Variants in SEMA3F observed in about 807,000 individuals in gnomAD.
The protein encoded by SEMA3F is semaphorin-3F.
In SEMA3F, 30 loss-of-function variants were observed where a neutral mutation model predicts 98.5. That is an observed-to-expected ratio of 0.30 (90% confidence interval 0.23 to 0.41). SEMA3F has a LOEUF of 0.41. Among genes scored for constraint, SEMA3F ranks in the 10% least tolerant of loss-of-function variants. The pLI, the probability that SEMA3F is intolerant of heterozygous loss-of-function variation, is 1.00. For missense variants in SEMA3F, 866 were observed against 1,119.3 expected (o/e 0.77, Z 3.23); for synonymous variants, 380 against 444.8 (o/e 0.85, Z 1.83).
rs766789476 is a variant in SEMA3F at position 50,185,534 on chromosome 3, G to C, written c.1545+3G>C. 2.5e-6 allele frequency: 4 copies of C among 1,613,790 alleles called. No homozygotes were observed. The highest frequency in any genetic ancestry group is 2.2e-5 in the East Asian group (1 of 44,870). ...TGGAGGAGGTGGAGGTCTTCAAGGT[G>C]GGTGTGACACCACCCAGTCCTGACC... On this transcript the variant is annotated splice_donor_region_variant and intron_variant, in intron 14 of 18. Transcript: ENST00000002829.
chr3:50,157,388 C>T (rs904495030), intron 1 of SEMA3F, among the ~76,000 whole-genome samples: 1 of 152,148 alleles, frequency 6.6e-6, no homozygotes, highest in African/African-American at 2.4e-5. Context: ...CCCTTGCTCC[C>T]TCCCACCAGC....
rs953792416 is a variant in SEMA3F, at chr3:50,171,828, C to G, written c.113-1965C>G. On this transcript the variant is annotated intron_variant, in intron 2 of 18. Transcript: ENST00000002829. ...GGCGCCGCTGGACAGGCGGGTGAGGCCATCGCCAGGCAGGATCGGCCCTTT... is the reference window on the plus strand; with the variant it reads ...GGCGCCGCTGGACAGGCGGGTGAGGGCATCGCCAGGCAGGATCGGCCCTTT... Among the ~76,000 whole-genome samples, 6 of 152,260 alleles carry G rather than the reference C, an allele frequency of 3.9e-5. No homozygotes were observed. In the East Asian group the frequency reaches 1.2e-3, roughly 29 times the overall value.
At chr3:50,185,605 C>T in intron 14 of SEMA3F, 61 bp from the exon 15 acceptor site, 1 of 1,610,778 alleles carries the variant, frequency 6.2e-7, no homozygotes, top group South Asian at 1.1e-5. Flanking sequence ...GACCTGAGAC[C>T]TCTAGGTCAG....
At chr3:50,159,794 C>A (rs1455229083) in intron 2 of SEMA3F, 60 bp downstream of exon 2, 1 of 1,118,244 alleles carries the variant, frequency 8.9e-7, no homozygotes, top group Non-Finnish European at 1.4e-6. Context: ...GCGCTCGGCT[C>A]CTCTGCACAC....
intron 2 of SEMA3F, among the ~76,000 whole-genome samples, chr3:50,167,029 C>T (rs1471558552): frequency 1.3e-5 from 2 of 152,166 alleles, no homozygotes; most frequent in African/African-American, 4.8e-5. Flanking sequence ...CTTTCCATCC[C>T]CTTCATACTT....
At position 50,155,527 on chromosome 3, in the gene SEMA3F, C is replaced by T. The variant is rs1329979310; in HGVS notation, c.-86C>T. 1 of 319,256 alleles carries T rather than the reference C, an allele frequency of 3.1e-6. No individual in the cohort carries two copies. Among genetic ancestry groups the T allele is most frequent in the Non-Finnish European group, 5.7e-6 (1 of 175,168 alleles). 19.8% of individuals were successfully genotyped at this position (319,256 alleles called of 1,614,324 possible). ...AACGGGAGCCGCTCCGTGCCGCCGCCGCCGCCCGGGCGCCCAGGCCCCGCC... is the reference window on the plus strand; with the variant it reads ...AACGGGAGCCGCTCCGTGCCGCCGCTGCCGCCCGGGCGCCCAGGCCCCGCC... On this transcript the variant is annotated 5_prime_UTR_variant, in exon 1 of 19. Coordinates refer to ENST00000002829, the MANE Select transcript of SEMA3F (RefSeq NM_004186.5). This position sits in a 1 kb window ranked among gnomAD's most constrained non-coding sequence, Gnocchi z 4.9.
intron 12 of SEMA3F, 77 bp from the exon 13 acceptor site, chr3:50,184,515 C>T (rs555259857): frequency 8.4e-5 from 85 of 1,007,822 alleles, no homozygotes; most frequent in South Asian, 4.4e-4. Flanking sequence ...GACAGTGCAG[C>T]GGCCTCTTCT....
intron 17 of SEMA3F, 35 bp downstream of exon 17, chr3:50,186,383 C>A (rs1412106958): frequency 1.3e-6 from 2 of 1,598,016 alleles, no homozygotes; most frequent in Middle Eastern, 3.6e-4. Flanking sequence ...GGGTGCTGCT[C>A]ACACTGCAGA....
intron 13 of SEMA3F, 75 bp from the exon 14 acceptor site, chr3:50,185,368 G>T (rs1197327296): frequency 2.1e-6 from 3 of 1,402,482 alleles, no homozygotes; most frequent in Non-Finnish European, 2.9e-6. Flanking sequence ...GGGCCCTGGT[G>T]GGGGAAGGGG....
intron 2 of SEMA3F, among the ~76,000 whole-genome samples, chr3:50,170,206 G>T (rs1000239012): frequency 6.6e-6 from 1 of 152,114 alleles, no homozygotes; most frequent in East Asian, 1.9e-4. Flanking sequence ...GGGACCCGGG[G>T]AAGTTCCCAC....
intron 18 of SEMA3F, among the ~76,000 whole-genome samples, chr3:50,187,500 C>T (rs1699265718): frequency 6.6e-6 from 1 of 150,962 alleles, no homozygotes; most frequent in Admixed American, 6.6e-5. Flanking sequence ...TCCTTATGGT[C>T]ATCACTCCTG....
intron 1 of SEMA3F, among the ~76,000 whole-genome samples, chr3:50,157,266 C>G (rs1698022639): frequency 6.6e-6 from 1 of 152,088 alleles, no homozygotes; most frequent in Admixed American, 6.5e-5. Context: ...CTCTGGCCGC[C>G]TCTTCCCTGC....
chr3:50,176,929 C>A, intron 7 of SEMA3F, 68 bp downstream of exon 7: 1 of 1,255,804 alleles, frequency 8.0e-7, no homozygotes. Context: ...TGGGGCATGG[C>A]ACCAACACTT....
chr3:50,186,824 G>T, intron 18 of SEMA3F, 78 bp downstream of exon 18: 1 of 1,385,954 alleles, frequency 7.2e-7, no homozygotes, highest in South Asian at 1.6e-5. Flanking sequence ...GAGTGATCTG[G>T]AGCAACTCTC....
chr3:50,182,647 C>T lies in SEMA3F; in HGVS notation c.767C>T (p.Pro256Leu), dbSNP rs1699055937. The change falls in exon 9 of 19, where the codon CCG (proline) becomes CTG (leucine). Residue 256 changes from proline to leucine, a missense_variant. By Grantham distance (98) the Pro-to-Leu change is moderately conservative (BLOSUM62 -3). Coordinates refer to ENST00000002829, the MANE Select transcript of SEMA3F (RefSeq NM_004186.5). This position sits in a 1 kb window ranked among gnomAD's most constrained non-coding sequence, Gnocchi z 4.5. ...AGCTGACCCCTGCCACCTGCAGACCCGTCGTTCATCCATGCTGAGCTCATT... is the reference window on the plus strand; with the variant it reads ...AGCTGACCCCTGCCACCTGCAGACCTGTCGTTCATCCATGCTGAGCTCATT... ...DQYNSRWLND[P>L]SFIHAELIPD... 1 of 1,611,520 alleles carries T rather than the reference C, an allele frequency of 6.2e-7. No individual in the cohort carries two copies. The highest frequency in any genetic ancestry group is 8.5e-7 in the Non-Finnish European group (1 of 1,178,290).
chr3:50,163,440 C>T (rs1017461223), intron 2 of SEMA3F, among the ~76,000 whole-genome samples: 11 of 152,336 alleles, frequency 7.2e-5, no homozygotes, highest in Admixed American at 4.6e-4. Flanking sequence ...GCCCTCCAGG[C>T]CAATAGCCCA....
intron 1 of SEMA3F, among the ~76,000 whole-genome samples, chr3:50,157,236 A>G (rs188285100): frequency 6.6e-6 from 1 of 151,262 alleles, no homozygotes; most frequent in Admixed American, 6.6e-5. Context: ...GTCCCATCCC[A>G]GGTGCCTCCG....
chr3:50,155,475 CG>C lies in SEMA3F; in HGVS notation c.-132del. ...GAGGTCGCGGGCAGGGCCATGGCCC[CG>C]GGGGGCCGCTAGCGCGGACCGGCCC... On this transcript the variant is annotated 5_prime_UTR_variant, in exon 1 of 19. The change abolishes the stop of an existing upstream ORF in the 5' untranslated region. Transcript: ENST00000002829. This position sits in a 1 kb window ranked among gnomAD's most constrained non-coding sequence, Gnocchi z 4.9. 1.6e-5 allele frequency: 5 copies of C among 309,366 alleles called. No individual in the cohort carries two copies. Among genetic ancestry groups the C allele is most frequent in the Non-Finnish European group, 2.9e-5 (5 of 169,866 alleles). 19.2% of individuals were successfully genotyped at this position (309,366 alleles called of 1,614,324 possible).
Position 50,185,455 on chromosome 3 carries a change from T to C in SEMA3F, c.1469T>C (p.Val490Ala). Residue 490 changes from valine to alanine, a missense_variant, in exon 14 of 19, where the codon GTG becomes GCG. Val to Ala is a moderately conservative substitution (Grantham distance 64, BLOSUM62 0). This residue lies in a region of SEMA3F where 374 missense variants were observed against 582.8 expected (regional missense o/e 0.64). Transcript: ENST00000002829. ...CGGCCCGTTCCAGACCGCGGGACAG[T>C]GCAGAAGGTCATTGTGCTGCCCAAG... ...VLFLGTDRGT[V>A]QKVIVLPKDD... 6.2e-7 allele frequency: 1 copy of C among 1,613,488 alleles called. No homozygotes were observed. Among genetic ancestry groups the C allele is most frequent in the Non-Finnish European group, 8.5e-7 (1 of 1,179,820 alleles).
Sources: allele counts gnomAD v4.1 joint callset (sites outside exome capture counted in the v4.1 genomes callset), GRCh38; gene constraint gnomAD v4.1.1; regional missense constraint gnomAD v4.1.1; non-coding constraint Gnocchi (gnomAD v3.1); transcripts MANE v1.5; gene names NCBI Gene and HGNC (gene_info 2026-07-23, HGNC 2026-07-21).